The following HYDIN variants were observed in gnomAD, a reference collection of about 807,000 sequenced individuals.
HYDIN encodes HYDIN axonemal central pair apparatus protein.
HYDIN carries 132 observed loss-of-function variants against 403.9 expected under a neutral mutation model. The observed-to-expected ratio is 0.33, with a 90% CI of 0.28 to 0.38. HYDIN has a LOEUF of 0.38. Ranked by LOEUF, HYDIN falls within the 10% of genes least tolerant of loss-of-function variation. HYDIN has a pLI of 1.00. For synonymous variants in HYDIN, 1,202 were observed against 1,891.7 expected (o/e 0.64, Z 9.46); for missense variants, 2,827 against 5,009.5 (o/e 0.56, Z 13.15).
At chr16:71,192,195 C>A (rs1358488325) in intron 1 of HYDIN, among the ~76,000 whole-genome samples, 1 of 152,150 alleles carries the variant, frequency 6.6e-6, no homozygotes, top group Non-Finnish European at 1.5e-5. Flanking sequence ...TCTGCCCTCA[C>A]CTTGCTTGTG....
chr16:71,206,739 G>C (rs372015990), intron 1 of HYDIN, among the ~76,000 whole-genome samples: 3 of 152,174 alleles, frequency 2.0e-5, no homozygotes, highest in African/African-American at 7.2e-5. Context: ...GTAACTGACC[G>C]ATAGAGCTGA....
intron 1 of HYDIN, among the ~76,000 whole-genome samples, chr16:71,189,641 C>T (rs2087324334): frequency 6.6e-6 from 1 of 151,962 alleles, no homozygotes; most frequent in Non-Finnish European, 1.5e-5. Flanking sequence ...GTGGCACGTG[C>T]CTGTAGTCCC....
intron 75 of HYDIN, among the ~76,000 whole-genome samples, chr16:70,843,022 AATTT>A (rs902268838): frequency 2.9e-4 from 44 of 151,396 alleles, no homozygotes; most frequent in African/African-American, 3.9e-4. Context: ...TTTTTACATA[AATTT>A]ATTTATTTAT....
At chr16:71,081,240 G>A (rs1334917270) in intron 12 of HYDIN, among the ~76,000 whole-genome samples, 3 of 152,040 alleles carry the variant, frequency 2.0e-5, no homozygotes, top group African/African-American at 7.2e-5. Context: ...TGATACTTCC[G>A]GTTGCTTCAG....
chr16:70,820,394 T>C (rs1010095818), intron 83 of HYDIN, among the ~76,000 whole-genome samples: 6 of 151,446 alleles, frequency 4.0e-5, no homozygotes, highest in African/African-American at 1.5e-4. Context: ...GGTTTCACCA[T>C]GGTCTCGATC....
At chr16:70,947,151 A>G (rs943866235) in intron 41 of HYDIN, among the ~76,000 whole-genome samples, 9 of 149,582 alleles carry the variant, frequency 6.0e-5, no homozygotes, top group African/African-American at 2.0e-4. Context: ...GTTTTTGCCC[A>G]TTCAGTATGA....
intron 47 of HYDIN, among the ~76,000 whole-genome samples, chr16:70,910,189 C>G (rs556571103): frequency 4.6e-5 from 7 of 152,124 alleles, no homozygotes; most frequent in Middle Eastern, 3.4e-3. Flanking sequence ...ACCCATCACC[C>G]GAGCAGTATA....
At chr16:71,069,896 C>T (rs1405638268) in intron 13 of HYDIN, among the ~76,000 whole-genome samples, 1 of 152,164 alleles carries the variant, frequency 6.6e-6, no homozygotes, top group East Asian at 1.9e-4. Flanking sequence ...TACATTTTTA[C>T]ATTGAATCAT....
intron 85 of HYDIN, among the ~76,000 whole-genome samples, chr16:70,809,444 C>A (rs895188648): frequency 6.6e-6 from 1 of 152,182 alleles, no homozygotes; most frequent in African/African-American, 2.4e-5. Context: ...GACTCAAACC[C>A]ATGTCTGTTT....
intron 13 of HYDIN, among the ~76,000 whole-genome samples, chr16:71,079,366 AAGTT>A (rs923385352): frequency 8.9e-5 from 13 of 146,442 alleles, no homozygotes; most frequent in African/African-American, 2.3e-4. Context: ...TATTAGATAC[AAGTT>A]AGTTAGTTAG....
rs2035155693 is a variant in HYDIN, at chr16:70,807,417, T to A, written c.*163A>T. On this transcript the variant is annotated 3_prime_UTR_variant, in exon 86 of 86. Transcript: ENST00000393567. ...TATAATGTTTAATATGGAATAGATATTTCATATCTATATTTGGAAAACACA... is the reference window on the plus strand; with the variant it reads ...TATAATGTTTAATATGGAATAGATAATTCATATCTATATTTGGAAAACACA... 1 of 714,140 alleles carries A rather than the reference T, an allele frequency of 1.4e-6. No individual in the cohort carries two copies. Among genetic ancestry groups the A allele is most frequent in the Middle Eastern group, 4.0e-4 (1 of 2,502 alleles). The allele number at this position is 714,140 out of a possible 1,614,324, so 44.2% of individuals were successfully genotyped here. A position where few individuals can be genotyped will look rare whatever the true frequency, so the allele number is the denominator to read the frequency against.
chr16:71,059,529 C>A (rs1476292691), intron 18 of HYDIN, among the ~76,000 whole-genome samples: 1 of 151,776 alleles, frequency 6.6e-6, no homozygotes, highest in African/African-American at 2.4e-5. Flanking sequence ...TTTGCAGCAA[C>A]ATGGATGGAG....
Position 71,028,257 on chromosome 16 carries a change from G to A in HYDIN, c.2769-382C>T, listed in dbSNP as rs541990078. ...TGTGCTGAGAAAATTACTAGTGACTGAGTGGAATGTCCCATAACAATGGGC... is the reference window on the plus strand; with the variant it reads ...TGTGCTGAGAAAATTACTAGTGACTAAGTGGAATGTCCCATAACAATGGGC... On this transcript the variant is annotated intron_variant, in intron 19 of 85. Coordinates refer to ENST00000393567, the MANE Select transcript of HYDIN (RefSeq NM_001270974.2). Among the ~76,000 whole-genome samples the A allele has an allele frequency of 1.4e-3, 217 of 152,224 alleles. 1 individual carries two copies. Among genetic ancestry groups the A allele is most frequent in the African/African-American group, 4.6e-3 (193 of 41,548 alleles).
intron 45 of HYDIN, among the ~76,000 whole-genome samples, chr16:70,928,316 C>T (rs1482757587): frequency 3.9e-5 from 6 of 152,162 alleles, no homozygotes; most frequent in African/African-American, 9.6e-5. Context: ...ATTAGCCAGA[C>T]GTGGTGGTGC....
chr16:70,968,562 A>AAGG (rs544816614), intron 36 of HYDIN, among the ~76,000 whole-genome samples: 108 of 152,274 alleles, frequency 7.1e-4, no homozygotes, highest in African/African-American at 2.2e-3. Flanking sequence ...AGTAATGAAG[A>AAGG]GCTCCTCCTA....
chr16:70,948,412 C>G (rs899303784), intron 41 of HYDIN, among the ~76,000 whole-genome samples: 1 of 151,882 alleles, frequency 6.6e-6, no homozygotes, highest in Non-Finnish European at 1.5e-5. Context: ...GACTTCATAT[C>G]TAAAACACCA....
At chr16:71,075,453 T>C (rs2082599244) in intron 13 of HYDIN, among the ~76,000 whole-genome samples, 1 of 150,578 alleles carries the variant, frequency 6.6e-6, no homozygotes, top group Admixed American at 6.6e-5. Flanking sequence ...TATCTAACCT[T>C]GGAGCATGCG....
At chr16:71,042,226 A>G (rs548638200) in intron 18 of HYDIN, among the ~76,000 whole-genome samples, 1 of 152,132 alleles carries the variant, frequency 6.6e-6, no homozygotes, top group East Asian at 1.9e-4. Context: ...TGGAAAAGTT[A>G]TATTGTAAAA....
At chr16:71,117,386 T>A (rs2084079687) in intron 9 of HYDIN, among the ~76,000 whole-genome samples, 1 of 149,212 alleles carries the variant, frequency 6.7e-6, no homozygotes, top group South Asian at 2.2e-4. Context: ...GAGATGCTGA[T>A]AGCACTTGCC....
Sources: allele counts gnomAD v4.1 joint callset (sites outside exome capture counted in the v4.1 genomes callset), GRCh38; gene constraint gnomAD v4.1.1; transcripts MANE v1.5; gene names NCBI Gene and HGNC (gene_info 2026-07-23, HGNC 2026-07-21).